The following GRID2 variants were observed in gnomAD, a reference collection of about 807,000 sequenced individuals.
The protein encoded by GRID2 is glutamate receptor ionotropic, delta-2.
GRID2 carries 33 observed loss-of-function variants against 114.8 expected under a neutral mutation model. The observed-to-expected ratio is 0.29, with a 90% CI of 0.22 to 0.38. The LOEUF (loss-of-function observed/expected upper bound fraction) is 0.38, where lower values mean the gene tolerates loss of function less well. Ranked by LOEUF, GRID2 falls within the 10% of genes least tolerant of loss-of-function variation. The probability of loss-of-function intolerance (pLI) is 1.00; values close to 1 mark genes in which losing one functional copy is unlikely to be tolerated. For missense variants in GRID2, 1,184 were observed against 1,257.7 expected, an observed-to-expected ratio of 0.94 and a Z score of 0.89; for synonymous variants, 505 against 449.9, an observed-to-expected ratio of 1.12 and a Z score of -1.55.
Position 92,331,825 on chromosome 4 carries a change from C to A in GRID2, c.88+27081C>A, listed in dbSNP as rs149254142. On this transcript the variant is annotated intron_variant, in intron 1 of 15. Coordinates refer to ENST00000282020, the MANE Select transcript of GRID2 (RefSeq NM_001510.4). Reference sequence around the variant, plus strand: ...TAAGATGAGGTATTTACAAATCTAACACACAATAGAGGCAGGAACACCTGC... The same window carrying A: ...TAAGATGAGGTATTTACAAATCTAAAACACAATAGAGGCAGGAACACCTGC... Among the ~76,000 whole-genome samples the A allele has an allele frequency of 3.9e-3, 599 of 152,266 alleles. 3 individuals are homozygous for A. Among genetic ancestry groups the A allele is most frequent in the African/African-American group, 0.012 (506 of 41,566 alleles).
chr4:92,387,069 G>T (rs548858175), intron 1 of GRID2, among the ~76,000 whole-genome samples: 39 of 151,964 alleles, frequency 2.6e-4, no homozygotes, highest in African/African-American at 8.9e-4. Context: ...GCACACTATT[G>T]ATGGTCCGAA....
intron 2 of GRID2, among the ~76,000 whole-genome samples, chr4:92,768,347 C>T (rs548816127): frequency 5.9e-5 from 9 of 152,000 alleles, no homozygotes; most frequent in South Asian, 2.1e-4. Context: ...CCATCCAATC[C>T]GGGCTGGTAC....
At chr4:93,350,545 T>C (rs1168192944) in intron 8 of GRID2, among the ~76,000 whole-genome samples, 2 of 152,022 alleles carry the variant, frequency 1.3e-5, no homozygotes, top group Non-Finnish European at 2.9e-5. Flanking sequence ...GCAAAAAGCT[T>C]GAGAAGTAGA....
chr4:93,305,713 C>T (rs1056202537), intron 8 of GRID2, among the ~76,000 whole-genome samples: 2 of 152,094 alleles, frequency 1.3e-5, no homozygotes, highest in Admixed American at 1.3e-4. Flanking sequence ...GCTGGTTAAA[C>T]CAAGTCAATG....
chr4:92,349,529 G>C (rs770676688), intron 1 of GRID2, among the ~76,000 whole-genome samples: 1 of 151,398 alleles, frequency 6.6e-6, no homozygotes, highest in Non-Finnish European at 1.5e-5. Context: ...TGTATATCAA[G>C]ATTTTACTTT....
At chr4:92,432,599 T>G (rs1732515217) in intron 1 of GRID2, among the ~76,000 whole-genome samples, 3 of 152,090 alleles carry the variant, frequency 2.0e-5, no homozygotes, top group Admixed American at 2.0e-4. Context: ...TCAGTCAGCT[T>G]GTAGTAAACA....
At chr4:93,692,226 T>C (rs1726632079) in intron 14 of GRID2, among the ~76,000 whole-genome samples, 1 of 151,914 alleles carries the variant, frequency 6.6e-6, no homozygotes, top group Admixed American at 6.6e-5. Context: ...AAATTTAGAA[T>C]AGAGTTTAGA....
chr4:93,415,533 G>C (rs923918130), intron 9 of GRID2, among the ~76,000 whole-genome samples: 1 of 152,004 alleles, frequency 6.6e-6, no homozygotes, highest in Non-Finnish European at 1.5e-5. Flanking sequence ...ATTTTCAAAT[G>C]AATGTCAGGC....
intron 2 of GRID2, among the ~76,000 whole-genome samples, chr4:93,040,827 T>C (rs1725442451): frequency 1.3e-5 from 2 of 152,132 alleles, no homozygotes; most frequent in South Asian, 4.1e-4. Flanking sequence ...TATAAAATTT[T>C]AAGAAATTTT....
intron 1 of GRID2, among the ~76,000 whole-genome samples, chr4:92,547,376 T>C (rs896467535): frequency 6.6e-6 from 1 of 152,192 alleles, no homozygotes; most frequent in African/African-American, 2.4e-5. Flanking sequence ...TGAAAATATA[T>C]ACTCAGTACA....
chr4:93,709,516 C>T (rs1728301172), intron 14 of GRID2, among the ~76,000 whole-genome samples: 1 of 152,032 alleles, frequency 6.6e-6, no homozygotes, highest in Non-Finnish European at 1.5e-5. Flanking sequence ...CTTTCTTTAT[C>T]CTTGACCTTT....
At chr4:92,535,082 C>T (rs1378275068) in intron 1 of GRID2, among the ~76,000 whole-genome samples, 4 of 152,118 alleles carry the variant, frequency 2.6e-5, no homozygotes, top group Admixed American at 2.6e-4. Flanking sequence ...CTTATATGGG[C>T]TAACTATCCA....
chr4:93,562,887 T>A (rs1042209072), intron 13 of GRID2, among the ~76,000 whole-genome samples: 7 of 152,040 alleles, frequency 4.6e-5, no homozygotes, highest in Non-Finnish European at 1.0e-4. Flanking sequence ...GTTCTATTGA[T>A]CTCTCTGTGC....
At chr4:92,536,791 C>T (rs1261860493) in intron 1 of GRID2, among the ~76,000 whole-genome samples, 3 of 151,964 alleles carry the variant, frequency 2.0e-5, no homozygotes, top group African/African-American at 4.8e-5. Context: ...CAATAAATGC[C>T]CCCAAGAATG....
intron 5 of GRID2, among the ~76,000 whole-genome samples, chr4:93,208,765 A>G (rs760624740): frequency 4.6e-5 from 7 of 151,894 alleles, no homozygotes; most frequent in African/African-American, 1.2e-4. Context: ...TGTATTTCTC[A>G]TGTCAAAATA....
chr4:92,546,689 T>C (rs1197855272), intron 1 of GRID2, among the ~76,000 whole-genome samples: 1 of 152,218 alleles, frequency 6.6e-6, no homozygotes, highest in Non-Finnish European at 1.5e-5. Context: ...ACTTCCTAAA[T>C]TGAAGTAGAA....
At chr4:93,040,665 T>C (rs768652) in intron 2 of GRID2, among the ~76,000 whole-genome samples, 3,825 of 152,224 alleles carry the variant, frequency 0.025, 82 homozygotes, top group African/African-American at 0.054. Flanking sequence ...ATTTTAACAA[T>C]GAAAAATCGG....
At chr4:93,679,766 A>G (rs529067546) in intron 14 of GRID2, among the ~76,000 whole-genome samples, 2 of 151,144 alleles carry the variant, frequency 1.3e-5, no homozygotes, top group East Asian at 1.9e-4. Context: ...TCTCTGGGAC[A>G]CATTTAAAGC....
intron 1 of GRID2, among the ~76,000 whole-genome samples, chr4:92,524,231 A>G (rs747340319): frequency 1.3e-5 from 2 of 151,978 alleles, no homozygotes; most frequent in Non-Finnish European, 2.9e-5. Flanking sequence ...CAAAAGGATT[A>G]ATGGGTATAT....
Sources: gnomAD v4.1 joint callset for allele counts (sites outside exome capture counted in the v4.1 genomes callset) on GRCh38, gnomAD v4.1.1 for gene constraint, MANE v1.5 for transcripts, NCBI Gene and HGNC (gene_info 2026-07-23, HGNC 2026-07-21) for gene names.